Variants in LDB2 observed in about 807,000 individuals in gnomAD.
LDB2 encodes the protein LIM domain-binding protein 2.
LDB2 carries 12 observed loss-of-function variants against 44.3 expected under a neutral mutation model. The ratio of observed to expected loss-of-function variants is 0.27; its 90% CI spans 0.17 to 0.44. The LOEUF (loss-of-function observed/expected upper bound fraction) is 0.44. LDB2 is among the 20% of genes least tolerant of loss of function. LDB2 has a pLI of 1.00. For synonymous variants in LDB2, 164 were observed against 174.8 expected, an observed-to-expected ratio of 0.94 and a Z score of 0.49; for missense variants, 344 against 473.5, an observed-to-expected ratio of 0.73 and a Z score of 2.54.
At chr4:16,872,491 G>A (rs1717000207) in intron 1 of LDB2, among the ~76,000 whole-genome samples, 1 of 152,060 alleles carries the variant, frequency 6.6e-6, no homozygotes, top group Admixed American at 6.6e-5. Flanking sequence ...TCCTTCAACT[G>A]AATTGTAAGT....
chr4:16,638,267 T>C (rs1180203595), intron 2 of LDB2, among the ~76,000 whole-genome samples: 1 of 152,332 alleles, frequency 6.6e-6, no homozygotes, highest in African/African-American at 2.4e-5. Flanking sequence ...TGGTACTTCC[T>C]GGCTTCCTAC....
intron 1 of LDB2, among the ~76,000 whole-genome samples, chr4:16,845,804 C>A (rs959840155): frequency 3.3e-5 from 5 of 152,032 alleles, no homozygotes; most frequent in African/African-American, 1.2e-4. Flanking sequence ...AAATAGTTTG[C>A]CCAAAAGAAA....
chr4:16,830,605 T>C (rs940853497), intron 1 of LDB2, among the ~76,000 whole-genome samples: 1 of 152,210 alleles, frequency 6.6e-6, no homozygotes, highest in Non-Finnish European at 1.5e-5. Context: ...CCAGGTAAAA[T>C]AATTGATCTA....
chr4:16,788,690 CA>C (rs1363781348), intron 1 of LDB2, among the ~76,000 whole-genome samples: 1 of 152,188 alleles, frequency 6.6e-6, no homozygotes, highest in Non-Finnish European at 1.5e-5. Context: ...ACAAACTAAC[CA>C]ATGAATGAAT....
At chr4:16,675,826 CAT>C (rs1290090887) in intron 2 of LDB2, among the ~76,000 whole-genome samples, 3 of 152,026 alleles carry the variant, frequency 2.0e-5, no homozygotes, top group African/African-American at 7.2e-5. Flanking sequence ...TGTGTTGAAA[CAT>C]AAAAATAAAT....
chr4:16,618,026 A>G (rs1727811549), intron 2 of LDB2, among the ~76,000 whole-genome samples: 1 of 152,022 alleles, frequency 6.6e-6, no homozygotes, highest in Non-Finnish European at 1.5e-5. Flanking sequence ...CCAACTTGGG[A>G]ACTACTTCCT....
chr4:16,891,458 G>A (rs147286052), intron 1 of LDB2, among the ~76,000 whole-genome samples: 3,755 of 151,744 alleles, frequency 0.025, 83 homozygotes, highest in Non-Finnish European at 0.035. Context: ...GACTACAGGC[G>A]TGTGCCACCA....
intron 2 of LDB2, among the ~76,000 whole-genome samples, chr4:16,749,326 G>A (rs191482487): frequency 3.2e-3 from 479 of 151,838 alleles, no homozygotes; most frequent in Non-Finnish European, 4.7e-3. Context: ...TTGGGAGGCC[G>A]AGGTGGGTGG....
chr4:16,670,220 A>T (rs762464254), intron 2 of LDB2, among the ~76,000 whole-genome samples: 4 of 152,190 alleles, frequency 2.6e-5, no homozygotes, highest in Non-Finnish European at 4.4e-5. Flanking sequence ...CCTCATGTAG[A>T]ACCAGTATGC....
At chr4:16,751,366 C>A (rs1765462054) in intron 2 of LDB2, among the ~76,000 whole-genome samples, 1 of 152,150 alleles carries the variant, frequency 6.6e-6, no homozygotes, top group South Asian at 2.1e-4. Context: ...ATTCAAAGCA[C>A]TTTTCTGTCC....
At chr4:16,829,881 C>A (rs964696499) in intron 1 of LDB2, among the ~76,000 whole-genome samples, 2 of 152,048 alleles carry the variant, frequency 1.3e-5, no homozygotes, top group East Asian at 1.9e-4. Flanking sequence ...CCAAGGCAAG[C>A]AGATCACGAG....
At chr4:16,614,306 C>A (rs1726508971) in intron 2 of LDB2, among the ~76,000 whole-genome samples, 1 of 152,044 alleles carries the variant, frequency 6.6e-6, no homozygotes, top group Non-Finnish European at 1.5e-5. Flanking sequence ...AACCCAAAAC[C>A]ATAAACACTC....
intron 1 of LDB2, among the ~76,000 whole-genome samples, chr4:16,839,592 A>C (rs1470525302): frequency 6.6e-6 from 1 of 152,020 alleles, no homozygotes; most frequent in Non-Finnish European, 1.5e-5. Context: ...CTGAGGCTCA[A>C]AAAGTTAAGT....
intron 1 of LDB2, among the ~76,000 whole-genome samples, chr4:16,886,091 T>C (rs1721621765): frequency 6.6e-6 from 1 of 152,004 alleles, no homozygotes; most frequent in Non-Finnish European, 1.5e-5. Context: ...CAGTGTCATG[T>C]GCCTGTAGTC....
intron 5 of LDB2, among the ~76,000 whole-genome samples, chr4:16,549,707 A>G (rs557075233): frequency 2.4e-4 from 36 of 152,316 alleles, no homozygotes; most frequent in African/African-American, 8.7e-4. Flanking sequence ...AGTGTATACT[A>G]TCTGCCCCTG....
At chr4:16,730,375 C>T (rs1285137945) in intron 2 of LDB2, among the ~76,000 whole-genome samples, 2 of 152,190 alleles carry the variant, frequency 1.3e-5, no homozygotes, top group African/African-American at 4.8e-5. Context: ...CACCTGTACA[C>T]TCTAAATTCC....
At chr4:16,581,916 G>C (rs1013757351) in intron 5 of LDB2, among the ~76,000 whole-genome samples, 4 of 132,404 alleles carry the variant, frequency 3.0e-5, no homozygotes, top group Admixed American at 7.8e-5. Context: ...GAAAGACGAA[G>C]GAAAGAAGAA....
At chr4:16,821,746 CAAAAAAAA>C (rs562184189) in intron 1 of LDB2, among the ~76,000 whole-genome samples, 9 of 61,752 alleles carry the variant, frequency 1.5e-4, no homozygotes, top group South Asian at 7.2e-4. Context: ...AACATTAAAG[CAAAAAAAA>C]AAAAAAAAAA....
At chr4:16,523,596 A>T (rs948304896) in intron 5 of LDB2, among the ~76,000 whole-genome samples, 1 of 152,140 alleles carries the variant, frequency 6.6e-6, no homozygotes, top group Admixed American at 6.5e-5. Flanking sequence ...TAATGGGTGG[A>T]TAGTGTAGAT....
Sources: gnomAD v4.1 joint callset for allele counts (sites outside exome capture counted in the v4.1 genomes callset) on GRCh38, gnomAD v4.1.1 for gene constraint, MANE v1.5 for transcripts, NCBI Gene and HGNC (gene_info 2026-07-23, HGNC 2026-07-21) for gene names.